The following RIC8B variants were observed in gnomAD, a reference collection of about 807,000 sequenced individuals.
RIC8B encodes the protein chaperone Ric-8B.
RIC8B carries 16 observed loss-of-function variants against 57.5 expected under a neutral mutation model. The observed-to-expected ratio is 0.28, with a 90% CI of 0.19 to 0.42. The LOEUF is 0.42. Ranked by LOEUF, RIC8B falls within the 10% of genes least tolerant of loss-of-function variation. The pLI is 1.00. For synonymous variants in RIC8B, 216 were observed against 250.8 expected (o/e 0.86, Z 1.31); for missense variants, 481 against 677.0 (o/e 0.71, Z 3.21).
chr12:106,780,792 A>G (rs2043730867), intron 1 of RIC8B, among the ~76,000 whole-genome samples: 1 of 152,230 alleles, frequency 6.6e-6, no homozygotes, highest in African/African-American at 2.4e-5. Context: ...AATTATTCCT[A>G]GCTCTCTAAT....
At chr12:106,821,930 T>A (rs1229720742) in intron 3 of RIC8B, among the ~76,000 whole-genome samples, 2 of 150,878 alleles carry the variant, frequency 1.3e-5, no homozygotes, top group Non-Finnish European at 3.0e-5. Context: ...TACAAAAAAT[T>A]AGCCGGCTGT....
Position 106,817,773 on chromosome 12 carries a change from G to A in RIC8B, c.741+2469G>A, listed in dbSNP as rs573221504. Among the ~76,000 whole-genome samples, 485 of 150,636 alleles carry A rather than the reference G, an allele frequency of 3.2e-3. 3 individuals are homozygous for A. The highest frequency in any genetic ancestry group is 5.4e-3 in the Non-Finnish European group (366 of 67,816). ...CCGGGAGGCGGAGCTTGCAGTAAGC[G>A]GAGATCGCGCCACTGCACTCCAGCC... On this transcript the variant is annotated intron_variant, in intron 3 of 9. Transcript: ENST00000392837.
intron 2 of RIC8B, among the ~76,000 whole-genome samples, chr12:106,802,889 G>T (rs937678980): frequency 6.6e-6 from 1 of 151,846 alleles, no homozygotes; most frequent in Non-Finnish European, 1.5e-5. Context: ...GGGTTCTATG[G>T]TCAAAGTAAG....
rs758876525 is a variant in RIC8B at position 106,853,453 on chromosome 12, CTTTTTTTTTTTTTTTTTTT to C, written c.1306+1874_1306+1892del. On this transcript the variant is annotated intron_variant, in intron 7 of 9. Transcript: ENST00000392837. ...GACCTCAACAATTCTGCTTTATAGT[CTTTTTTTTTTTTTTTTTTT>C]TTTTTTTTTTTTTTGAGACAGAGTC... 2.6e-4 allele frequency among the ~76,000 whole-genome samples: 10 copies of C among 38,036 alleles called. No individual in the cohort carries two copies. In the East Asian group the frequency reaches 3.6e-3, roughly 14 times the overall value. 25.0% of individuals were successfully genotyped at this position (38,036 alleles called of 152,430 possible).
chr12:106,774,926 T>G (rs2043378864), intron 1 of RIC8B, 97 bp downstream of exon 1: 1 of 895,132 alleles, frequency 1.1e-6, no homozygotes, highest in Non-Finnish European at 1.7e-6. Context: ...ATTCCGGGGA[T>G]GCGCATTGCT....
At chr12:106,837,926 G>GC (rs61619590) in intron 4 of RIC8B, among the ~76,000 whole-genome samples, 152,294 of 152,294 alleles carry the variant, frequency 1, 76,147 homozygotes, top group Non-Finnish European at 1. Context: ...ACAGGCGTGA[G>GC]CACCACACCT....
At chr12:106,838,373 C>G (rs946018264) in intron 4 of RIC8B, among the ~76,000 whole-genome samples, 3 of 151,916 alleles carry the variant, frequency 2.0e-5, no homozygotes, top group Non-Finnish European at 4.4e-5. Flanking sequence ...CAATAAAACT[C>G]TTAGAAGAAC....
rs1950205849 is a variant in RIC8B at position 106,867,861 on chromosome 12, A to G, written c.1452-2962A>G. Among the ~76,000 whole-genome samples, 1 of 152,168 alleles carries G rather than the reference A, an allele frequency of 6.6e-6. No homozygotes were observed. The highest frequency in any genetic ancestry group is 1.9e-4 in the East Asian group (1 of 5,200). ...TATCCAGGGGAAAAATGTCTTTTTA[A>G]AGGAAAAAATGAAACCCAAATCCCT... On this transcript the variant is annotated intron_variant, in intron 8 of 9. Coordinates refer to ENST00000392837, the MANE Select transcript of RIC8B (RefSeq NM_001330145.2). The surrounding 1 kb of genome is among the most constrained non-coding windows in gnomAD (Gnocchi z 4.3).
intron 1 of RIC8B, among the ~76,000 whole-genome samples, chr12:106,776,084 A>G (rs1339150159): frequency 1.3e-5 from 2 of 152,152 alleles, no homozygotes; most frequent in African/African-American, 4.8e-5. Context: ...TAAAATTTAG[A>G]ATGATAATGT....
chr12:106,817,465 A>G (rs1414226116), intron 3 of RIC8B, among the ~76,000 whole-genome samples: 2 of 152,288 alleles, frequency 1.3e-5, no homozygotes, highest in South Asian at 2.1e-4. Context: ...TAAACAGTGT[A>G]TGAAAGACAG....
At chr12:106,787,682 C>T (rs2044093896) in intron 2 of RIC8B, among the ~76,000 whole-genome samples, 1 of 152,024 alleles carries the variant, frequency 6.6e-6, no homozygotes, top group African/African-American at 2.4e-5. Context: ...TGGAAACCCC[C>T]GATAAGCCCA....
chr12:106,790,265 G>T (rs2044211823), intron 2 of RIC8B, among the ~76,000 whole-genome samples: 2 of 152,160 alleles, frequency 1.3e-5, no homozygotes, highest in South Asian at 2.1e-4. Flanking sequence ...CAGAAGGCTT[G>T]AAATTATCAT....
At chr12:106,785,355 G>T (rs1490911899) in intron 2 of RIC8B, among the ~76,000 whole-genome samples, 2 of 151,874 alleles carry the variant, frequency 1.3e-5, no homozygotes, top group Non-Finnish European at 2.9e-5. Flanking sequence ...TCACCTCAGG[G>T]GCACCTCCTT....
chr12:106,825,136 A>G (rs2046037594), intron 3 of RIC8B, among the ~76,000 whole-genome samples: 1 of 152,220 alleles, frequency 6.6e-6, no homozygotes, highest in Non-Finnish European at 1.5e-5. Context: ...CCAAATGAGT[A>G]TTCAGGGCTT....
At chr12:106,801,533 C>T (rs988073910) in intron 2 of RIC8B, among the ~76,000 whole-genome samples, 1 of 152,078 alleles carries the variant, frequency 6.6e-6, no homozygotes, top group African/African-American at 2.4e-5. Context: ...GATACAGCCT[C>T]GTTCATAGAG....
intron 9 of RIC8B, among the ~76,000 whole-genome samples, chr12:106,877,235 G>T (rs897805871): frequency 2.0e-5 from 3 of 152,040 alleles, no homozygotes; most frequent in Non-Finnish European, 4.4e-5. Flanking sequence ...ATTAAATAGC[G>T]TCAGGTATTT....
chr12:106,778,669 G>T (rs1021932956), intron 1 of RIC8B, among the ~76,000 whole-genome samples: 1 of 152,138 alleles, frequency 6.6e-6, no homozygotes, highest in African/African-American at 2.4e-5. Context: ...TGGCAGACCT[G>T]GTCTTCAGAT....
At chr12:106,775,420 A>G (rs2043420469) in intron 1 of RIC8B, 13 of 454,134 alleles carry the variant, frequency 2.9e-5, no homozygotes, top group South Asian at 2.0e-4. Context: ...ATGGACATAT[A>G]ATGTTGTAAG....
chr12:106,836,079 A>G (rs2046585663), intron 4 of RIC8B, among the ~76,000 whole-genome samples: 1 of 152,330 alleles, frequency 6.6e-6, no homozygotes, highest in South Asian at 2.1e-4. Flanking sequence ...TGCTAAATCC[A>G]GTGGACATTT....
Sources: gnomAD v4.1 joint callset for allele counts (sites outside exome capture counted in the v4.1 genomes callset) on GRCh38, gnomAD v4.1.1 for gene constraint, Gnocchi (gnomAD v3.1) non-coding constraint, MANE v1.5 for transcripts, NCBI Gene and HGNC (gene_info 2026-07-23, HGNC 2026-07-21) for gene names.